The following CRADD variants were observed in gnomAD, a reference collection of about 807,000 sequenced individuals.
The protein encoded by CRADD is death domain-containing protein CRADD.
Under a neutral mutation model 15.5 loss-of-function variants are expected in CRADD, and 9 were observed. The ratio of observed to expected loss-of-function variants is 0.58; its 90% CI spans 0.35 to 1.01. The LOEUF is 1.01. CRADD is among the 50% of genes least tolerant of loss of function. CRADD has a pLI of 0.02. For missense variants in CRADD, 227 were observed against 250.3 expected (o/e 0.91, Z 0.63); for synonymous variants, 118 against 107.6 (o/e 1.10, Z -0.60).
intron 2 of CRADD, among the ~76,000 whole-genome samples, chr12:93,746,305 GGCAGAAACATAAATGAACA>G (rs1474354030): frequency 1.3e-5 from 2 of 152,122 alleles, no homozygotes; most frequent in African/African-American, 4.8e-5. Flanking sequence ...ACACAACTTT[GGCAGAAACATAAATGAACA>G]GTATGACAGA....
chr12:93,694,745 A>G (rs1280191196), intron 2 of CRADD, among the ~76,000 whole-genome samples: 1 of 152,214 alleles, frequency 6.6e-6, no homozygotes, highest in East Asian at 1.9e-4. Context: ...ACTTAGGAAT[A>G]CTTAACCAAG....
intron 2 of CRADD, among the ~76,000 whole-genome samples, chr12:93,695,276 AC>A (rs1955676124): frequency 6.6e-6 from 1 of 152,178 alleles, no homozygotes; most frequent in South Asian, 2.1e-4. Flanking sequence ...AAGAATTTAG[AC>A]CCTCATCTCA....
chr12:93,802,690 T>C (rs1957489481), intron 2 of CRADD, among the ~76,000 whole-genome samples: 1 of 152,182 alleles, frequency 6.6e-6, no homozygotes, highest in East Asian at 1.9e-4. Context: ...GGGAAAACAC[T>C]ATCCAGACCT....
At chr12:93,852,758 C>T (rs370716167), downstream of CRADD, among the ~76,000 whole-genome samples, 3 of 151,852 alleles carry the variant, frequency 2.0e-5, no homozygotes, top group Non-Finnish European at 4.4e-5. Flanking sequence ...ATGAATGCAG[C>T]GAGGTGGCAA....
intron 2 of CRADD, among the ~76,000 whole-genome samples, chr12:93,796,954 C>T (rs184993153): frequency 1.3e-5 from 2 of 152,318 alleles, no homozygotes; most frequent in East Asian, 3.9e-4. Context: ...TTTCACTGGC[C>T]ACTGTTGCAT....
At chr12:93,789,749 T>C (rs1185291715) in intron 2 of CRADD, among the ~76,000 whole-genome samples, 1 of 152,078 alleles carries the variant, frequency 6.6e-6, no homozygotes, top group Non-Finnish European at 1.5e-5. Context: ...GTTTCCTGTG[T>C]ATCAAGTATA....
chr12:93,821,261 C>G (rs1420340173), intron 2 of CRADD, among the ~76,000 whole-genome samples: 1 of 152,226 alleles, frequency 6.6e-6, no homozygotes, highest in African/African-American at 2.4e-5. Flanking sequence ...TCTCCCCAGC[C>G]CGCATAGCTC....
intron 2 of CRADD, among the ~76,000 whole-genome samples, chr12:93,691,321 C>G (rs1405933007): frequency 6.6e-6 from 1 of 151,292 alleles, no homozygotes; most frequent in Admixed American, 6.6e-5. Context: ...TGGCGCGATC[C>G]TGGCTCACTG....
At position 93,850,041 on chromosome 12, in the gene CRADD, G is replaced by A. The variant is rs763215150; in HGVS notation, c.370G>A (p.Ala124Thr). 12 of 1,610,904 alleles carry A rather than the reference G, an allele frequency of 7.4e-6. No homozygotes were observed. In the Admixed American group the frequency reaches 1.5e-4, roughly 20 times the overall value. The change falls in exon 3 of 3, where the codon GCC becomes ACC. Residue 124 changes from alanine (A) to threonine (T), a missense_variant. Physicochemically the swap from Ala to Thr is moderately conservative, Grantham distance 58. Transcript: ENST00000332896. This position sits in a 1 kb window ranked among gnomAD's most constrained non-coding sequence, Gnocchi z 4.0. ...ATCAGACCGGCAGATTAACCAGCTGGCCCAGAGGCTGGGCCCTGAGTGGGA... is the reference window on the plus strand; with the variant it reads ...ATCAGACCGGCAGATTAACCAGCTGACCCAGAGGCTGGGCCCTGAGTGGGA... ...SPSDRQINQL[A>T]QRLGPEWEPM...
intron 2 of CRADD, among the ~76,000 whole-genome samples, chr12:93,868,924 A>C (rs1447758306): frequency 6.6e-6 from 1 of 152,208 alleles, no homozygotes; most frequent in African/African-American, 2.4e-5. Context: ...GGGAGGTCCC[A>C]GAATTATGTA....
chr12:93,738,461 C>A (rs1340261320), intron 2 of CRADD: 1 of 702,272 alleles, frequency 1.4e-6, no homozygotes, highest in East Asian at 2.7e-5. Flanking sequence ...TGAAGTCTAC[C>A]CAGAAGAGCT....
At chr12:93,694,304 T>C (rs1238161988) in intron 2 of CRADD, among the ~76,000 whole-genome samples, 1 of 152,126 alleles carries the variant, frequency 6.6e-6, no homozygotes, top group African/African-American at 2.4e-5. Flanking sequence ...AAATTAGGTA[T>C]AGAAGGAATA....
At chr12:93,812,552 C>T (rs1957641262) in intron 2 of CRADD, among the ~76,000 whole-genome samples, 1 of 151,872 alleles carries the variant, frequency 6.6e-6, no homozygotes, top group African/African-American at 2.4e-5. Flanking sequence ...ATTCTAAGTT[C>T]CAGGAATGTC....
chr12:93,800,677 G>C (rs1284304350), intron 2 of CRADD, among the ~76,000 whole-genome samples: 3 of 152,106 alleles, frequency 2.0e-5, no homozygotes, highest in Non-Finnish European at 4.4e-5. Flanking sequence ...CATGCATACT[G>C]TGAGTCAATT....
intron 2 of CRADD, among the ~76,000 whole-genome samples, chr12:93,839,810 G>C (rs895707659): frequency 6.6e-6 from 1 of 152,162 alleles, no homozygotes; most frequent in Non-Finnish European, 1.5e-5. Flanking sequence ...ACCCAGCCTA[G>C]ATAGTGTTTC....
At chr12:93,721,462 T>C (rs974062730) in intron 2 of CRADD, among the ~76,000 whole-genome samples, 6 of 152,032 alleles carry the variant, frequency 3.9e-5, no homozygotes, top group South Asian at 2.1e-4. Flanking sequence ...CACACACACA[T>C]ATATATATAC....
intron 2 of CRADD, among the ~76,000 whole-genome samples, chr12:93,859,016 G>A (rs975525474): frequency 6.6e-6 from 1 of 152,254 alleles, no homozygotes; most frequent in South Asian, 2.1e-4. Flanking sequence ...CTGGGTCTTC[G>A]TTCTGAAGGC....
At chr12:93,732,018 C>G (rs1045331377) in intron 2 of CRADD, among the ~76,000 whole-genome samples, 2 of 152,024 alleles carry the variant, frequency 1.3e-5, no homozygotes, top group African/African-American at 4.8e-5. Flanking sequence ...TGCCTGTAAT[C>G]CCAGCTACTT....
rs763412012 is a variant in CRADD at position 93,850,129 on chromosome 12, C to G, written c.458C>G (p.Pro153Arg). Reference sequence around the variant, plus strand: ...ATCTACCGCTGTAAGGCCAACCACCCCCACAACGTGCAGTCGCAGGTGGTG... The same window carrying G: ...ATCTACCGCTGTAAGGCCAACCACCGCCACAACGTGCAGTCGCAGGTGGTG... ...TDIYRCKANH[P>R]HNVQSQVVEA... is the part of the protein sequence containing the mutation. The change falls in exon 3 of 3, where the codon CCC becomes CGC. Residue 153 changes from proline (P) to arginine (R), a missense_variant. Pro to Arg is a moderately radical substitution (Grantham distance 103, BLOSUM62 -2). Transcript: ENST00000332896. The surrounding 1 kb of genome is among the most constrained non-coding windows in gnomAD (Gnocchi z 4.0). 3 of 1,614,100 alleles carry G rather than the reference C, an allele frequency of 1.9e-6. 1 individual carries two copies. In the South Asian group the frequency reaches 3.3e-5, roughly 18 times the overall value.
Sources: allele counts gnomAD v4.1 joint callset (sites outside exome capture counted in the v4.1 genomes callset), GRCh38; gene constraint gnomAD v4.1.1; non-coding constraint Gnocchi (gnomAD v3.1); transcripts MANE v1.5; gene names NCBI Gene and HGNC (gene_info 2026-07-23, HGNC 2026-07-21).